Variants in PDZD2 observed in about 807,000 individuals in gnomAD.
PDZD2 encodes the protein PDZ domain-containing protein 2.
Under a neutral mutation model 220.7 loss-of-function variants are expected in PDZD2, and 90 were observed. The observed-to-expected ratio is 0.41, with a 90% CI of 0.34 to 0.49. PDZD2 has a LOEUF of 0.49. PDZD2 is among the 20% of genes least tolerant of loss of function. The probability of loss-of-function intolerance (pLI) is 0.28; values close to 1 mark genes in which losing one functional copy is unlikely to be tolerated. For synonymous variants in PDZD2, 1,375 were observed against 1,450.5 expected, an observed-to-expected ratio of 0.95 and a Z score of 1.18; for missense variants, 3,174 against 3,608.5, an observed-to-expected ratio of 0.88 and a Z score of 3.08.
chr5:32,053,218 C>T (rs1311299142), intron 9 of PDZD2, among the ~76,000 whole-genome samples: 1 of 152,158 alleles, frequency 6.6e-6, no homozygotes, highest in Non-Finnish European at 1.5e-5. Context: ...ACTTTTACCT[C>T]CAGTGAAAGA....
intron 1 of PDZD2, among the ~76,000 whole-genome samples, chr5:31,770,491 CT>C (rs1752278288): frequency 6.6e-6 from 1 of 152,186 alleles, no homozygotes; most frequent in African/African-American, 2.4e-5. Context: ...CAGGTCACCC[CT>C]GAGTCACCCC....
chr5:31,892,251 C>T (rs1328559124), intron 2 of PDZD2, among the ~76,000 whole-genome samples: 1 of 152,148 alleles, frequency 6.6e-6, no homozygotes, highest in Non-Finnish European at 1.5e-5. Flanking sequence ...ACCTTCTCCT[C>T]AAGGTCTATC....
In PDZD2 at chr5:31,841,603, G is replaced by A. The variant is rs147753608; in HGVS notation, c.476+41879G>A. On this transcript the variant is annotated intron_variant, in intron 2 of 24. Transcript: ENST00000438447. ...CAGGAGAATCACTTGAATCCAGGAG[G>A]CGGAGGTTGCAGTGAGCCAAAATTG... Among the ~76,000 whole-genome samples the A allele has an allele frequency of 5.7e-3, 863 of 152,040 alleles. 13 individuals are homozygous for A. The highest frequency in any genetic ancestry group is 0.02 in the African/African-American group (824 of 41,444).
chr5:31,932,917 T>C (rs1409276901), intron 2 of PDZD2, among the ~76,000 whole-genome samples: 1 of 152,110 alleles, frequency 6.6e-6, no homozygotes, highest in Non-Finnish European at 1.5e-5. Context: ...TTTTTTTTTT[T>C]TCTTGTTTTT....
chr5:31,921,064 G>T (rs116756884), intron 2 of PDZD2, among the ~76,000 whole-genome samples: 3,202 of 152,316 alleles, frequency 0.021, 135 homozygotes, highest in African/African-American at 0.073. Context: ...GAATGAAGCT[G>T]CTGTAAACAT....
chr5:31,791,785 C>T (rs1190483386), intron 1 of PDZD2, among the ~76,000 whole-genome samples: 1 of 152,132 alleles, frequency 6.6e-6, no homozygotes. Context: ...CCGCAACTTT[C>T]AAGTCCTTAA....
intron 7 of PDZD2, among the ~76,000 whole-genome samples, chr5:32,047,480 G>T (rs1433831079): frequency 6.6e-6 from 1 of 152,212 alleles, no homozygotes; most frequent in Non-Finnish European, 1.5e-5. Context: ...CCACAGCTTT[G>T]TTTGTAGGGC....
chr5:31,921,159 C>T (rs10069382), intron 2 of PDZD2, among the ~76,000 whole-genome samples: 61,807 of 151,910 alleles, frequency 0.41, 12,937 homozygotes, highest in East Asian at 0.69. Context: ...CTGTGACAAA[C>T]GGGACATGGT....
Position 31,930,341 on chromosome 5 carries a change from G to GACT in PDZD2, c.477-52811_477-52809dup, listed in dbSNP as rs535583191. On this transcript the variant is annotated intron_variant, in intron 2 of 24. Transcript: ENST00000438447. ...CTGCCTCAGTCTCCCAAGTAGCTGG[G>GACT]ACTACACCACGCCCGGCTAATTTTT... is the stretch of plus-strand genomic sequence containing the variant. Among the ~76,000 whole-genome samples, 427 of 151,756 alleles carry GACT rather than the reference G, an allele frequency of 2.8e-3. 1 individual carries two copies. The highest frequency in any genetic ancestry group is 4.7e-3 in the Non-Finnish European group (319 of 67,946).
chr5:31,998,996 C>A (rs1312825305), intron 4 of PDZD2, among the ~76,000 whole-genome samples: 1 of 152,264 alleles, frequency 6.6e-6, no homozygotes, highest in Non-Finnish European at 1.5e-5. Flanking sequence ...TGTTGACTCA[C>A]CACGATTGAA....
At chr5:31,923,262 T>C (rs1744440882) in intron 2 of PDZD2, 2 of 511,408 alleles carry the variant, frequency 3.9e-6, no homozygotes, top group African/African-American at 3.9e-5. Context: ...AAACTCCATC[T>C]CAATAAATAA....
intron 2 of PDZD2, among the ~76,000 whole-genome samples, chr5:31,850,007 TACACACAC>T (rs71870286): frequency 0.05 from 4,098 of 81,912 alleles, 1,037 homozygotes; most frequent in African/African-American, 0.12. Flanking sequence ...TATATATATA[TACACACAC>T]ACGTATATAC....
At chr5:31,746,842 T>C (rs776488190) in intron 1 of PDZD2, among the ~76,000 whole-genome samples, 5 of 152,196 alleles carry the variant, frequency 3.3e-5, no homozygotes, top group African/African-American at 1.2e-4. Flanking sequence ...GAAAGACAGG[T>C]TAACAAGAGA....
At chr5:31,715,777 C>G (rs552295087) in intron 1 of PDZD2, among the ~76,000 whole-genome samples, 1 of 152,226 alleles carries the variant, frequency 6.6e-6, no homozygotes, top group African/African-American at 2.4e-5. Flanking sequence ...TACCCACGAT[C>G]TCATTTCATC....
At chr5:31,744,970 G>T (rs906356020) in intron 1 of PDZD2, among the ~76,000 whole-genome samples, 10 of 152,142 alleles carry the variant, frequency 6.6e-5, no homozygotes, top group African/African-American at 2.4e-4. Context: ...CTACTCAGGA[G>T]GCTGAGGCAG....
In PDZD2 at chr5:31,639,273, C is replaced by A. The variant is rs1744841889; in HGVS notation, c.-525C>A. The A allele has an allele frequency of 6.6e-6, 1 of 150,542 alleles. No homozygotes were observed. The highest frequency in any genetic ancestry group is 6.6e-5 in the Admixed American group (1 of 15,108). 9.3% of individuals were successfully genotyped at this position (150,542 alleles called of 1,614,324 possible). A position where few individuals can be genotyped will look rare whatever the true frequency, so the allele number is the denominator to read the frequency against. On this transcript the variant is annotated 5_prime_UTR_variant, in exon 1 of 25. Coordinates refer to ENST00000438447, the MANE Select transcript of PDZD2 (RefSeq NM_178140.4). This position sits in a 1 kb window ranked among gnomAD's most constrained non-coding sequence, Gnocchi z 4.1. Reference sequence around the variant, plus strand: ...GGCCGAACCCAAGGCACCGGGATTGCGCCTCCCGCGGCTGCCGGCGAACCG... The same window carrying A: ...GGCCGAACCCAAGGCACCGGGATTGAGCCTCCCGCGGCTGCCGGCGAACCG...
At chr5:31,660,464 A>G (rs888652432) in intron 1 of PDZD2, among the ~76,000 whole-genome samples, 11 of 152,146 alleles carry the variant, frequency 7.2e-5, no homozygotes, top group Admixed American at 2.0e-4. Context: ...TCAGTTCCGC[A>G]TGGCTGGGAA....
rs1225341996 is a variant in PDZD2, at chr5:32,087,564, C to T, written c.4116C>T (p.Ser1372=). Residue 1372 remains serine (S), a synonymous_variant, in exon 20 of 25, where the codon AGC becomes AGT. Coordinates refer to ENST00000438447, the MANE Select transcript of PDZD2 (RefSeq NM_178140.4). The surrounding 1 kb of genome is among the most constrained non-coding windows in gnomAD (Gnocchi z 4.0). ...TGACAGGAATCCATGCACCTGAAAG[C>T]TCCCAGGAGCCTTCCCTGCTGGAGG... is the stretch of plus-strand genomic sequence containing the variant. The part of the protein sequence containing the change: ...LEMTGIHAPE[S]SQEPSLLEGA... 1 of 1,613,838 alleles carries T rather than the reference C, an allele frequency of 6.2e-7. No individual in the cohort carries two copies. Among genetic ancestry groups the T allele is most frequent in the Non-Finnish European group, 8.5e-7 (1 of 1,179,900 alleles).
At chr5:31,805,081 G>C (rs936299050) in intron 2 of PDZD2, among the ~76,000 whole-genome samples, 1 of 152,188 alleles carries the variant, frequency 6.6e-6, no homozygotes, top group African/African-American at 2.4e-5. Flanking sequence ...TGTAATCCCA[G>C]CTACTCGGGA....
Sources: allele counts gnomAD v4.1 joint callset (sites outside exome capture counted in the v4.1 genomes callset), GRCh38; gene constraint gnomAD v4.1.1; non-coding constraint Gnocchi (gnomAD v3.1); transcripts MANE v1.5; gene names NCBI Gene and HGNC (gene_info 2026-07-23, HGNC 2026-07-21).